The following TACC2 variants were observed in gnomAD, a reference collection of about 807,000 sequenced individuals.
TACC2 encodes transforming acidic coiled-coil containing protein 2.
A neutral mutation model predicts 227.3 loss-of-function variants in TACC2; 137 were observed. The observed-to-expected ratio is 0.60, with a 90% CI of 0.52 to 0.69. TACC2 has a LOEUF of 0.69. Among genes scored for constraint, TACC2 ranks in the 30% least tolerant of loss-of-function variants. TACC2 has a pLI of 0.00. For synonymous variants in TACC2, 1,523 were observed against 1,487.5 expected (o/e 1.02, Z -0.55); for missense variants, 3,470 against 3,694.4 (o/e 0.94, Z 1.57).
At chr10:122,249,688 C>T (rs762048782) in intron 22 of TACC2, 24 bp downstream of exon 22, 1 of 1,600,492 alleles carries the variant, frequency 6.2e-7, no homozygotes, top group Non-Finnish European at 8.5e-7. Context: ...GGTGTGGCCT[C>T]CAGGTGGGCC....
intron 7 of TACC2, among the ~76,000 whole-genome samples, chr10:122,167,694 G>T (rs2093254156): frequency 6.6e-6 from 1 of 152,152 alleles, no homozygotes; most frequent in Admixed American, 6.5e-5. Context: ...TGCCCCTCCT[G>T]CCTCGCAGGG....
chr10:122,021,664 G>A (rs1030721060), intron 1 of TACC2, among the ~76,000 whole-genome samples: 2 of 152,104 alleles, frequency 1.3e-5, no homozygotes, highest in South Asian at 2.1e-4. Context: ...ATATGTGTAC[G>A]CTGGCACTAG....
Position 122,050,898 on chromosome 10 carries a change from G to A in TACC2, c.146+348G>A, listed in dbSNP as rs1198512109. ...TCTAATCCGTGGCTAAGTGGAGTCT[G>A]TAACTCAGTGTGGTGGCCATTGCGG... is the stretch of plus-strand genomic sequence containing the variant. On this transcript the variant is annotated intron_variant, in intron 3 of 22. Coordinates refer to ENST00000369005, the MANE Select transcript of TACC2 (RefSeq NM_206862.4). This position sits in a 1 kb window ranked among gnomAD's most constrained non-coding sequence, Gnocchi z 4.6. The A allele has an allele frequency of 1.8e-5, 4 of 217,300 alleles. No individual in the cohort carries two copies. Among genetic ancestry groups the A allele is most frequent in the Non-Finnish European group, 3.7e-5 (4 of 109,460 alleles). 13.5% of individuals were successfully genotyped at this position (217,300 alleles called of 1,614,324 possible). A position where few individuals can be genotyped will look rare whatever the true frequency, so the allele number is the denominator to read the frequency against.
At position 122,254,079 on chromosome 10, in the gene TACC2, T is replaced by G; in HGVS notation, c.*23T>G. 6.2e-7 allele frequency: 1 copy of G among 1,608,968 alleles called. No homozygotes were observed. ...TAACTCTGAACCGAATGTTTTGGAC[T>G]TAACTGTTGCGTGCAATATGACCGT... is the stretch of plus-strand genomic sequence containing the variant. On this transcript the variant is annotated 3_prime_UTR_variant, in exon 23 of 23. Coordinates refer to ENST00000369005, the MANE Select transcript of TACC2 (RefSeq NM_206862.4).
chr10:122,172,850 G>A (rs2093542876), intron 7 of TACC2, among the ~76,000 whole-genome samples: 1 of 152,112 alleles, frequency 6.6e-6, no homozygotes, highest in African/African-American at 2.4e-5. Context: ...GGGGTGAGGG[G>A]CAGGCTGTCC....
chr10:122,235,118 ACT>A (rs1491366922), intron 16 of TACC2, among the ~76,000 whole-genome samples: 1 of 151,996 alleles, frequency 6.6e-6, no homozygotes, highest in Non-Finnish European at 1.5e-5. Flanking sequence ...ACAGAGTCTC[ACT>A]CTGTCACCCA....
At position 122,115,501 on chromosome 10, in the gene TACC2, G is replaced by A. The variant is rs145713242; in HGVS notation, c.5574-17108G>A. 4.4e-3 allele frequency among the ~76,000 whole-genome samples: 672 copies of A among 152,296 alleles called. 6 individuals are homozygous for A. The highest frequency in any genetic ancestry group is 0.015 in the African/African-American group (624 of 41,556). ...GGGAGGATGCTATTGGCGTCTAGTG[G>A]GGGAGGGCTAGGGTCACTCTCATGT... On this transcript the variant is annotated intron_variant, in intron 5 of 22. Coordinates refer to ENST00000369005, the MANE Select transcript of TACC2 (RefSeq NM_206862.4).
intron 2 of TACC2, among the ~76,000 whole-genome samples, chr10:122,031,683 G>A (rs927029027): frequency 1.9e-4 from 28 of 148,994 alleles, no homozygotes; most frequent in African/African-American, 4.7e-4. Flanking sequence ...GATTACAGGC[G>A]TGAGCCACCA....
At chr10:122,004,559 A>T (rs138619819) in intron 1 of TACC2, among the ~76,000 whole-genome samples, 92 of 152,232 alleles carry the variant, frequency 6.0e-4, no homozygotes, top group African/African-American at 2.1e-3. Flanking sequence ...CACCTAGACC[A>T]GTGACTCCTC....
intron 9 of TACC2, chr10:122,213,432 C>G (rs1254673332): frequency 6.3e-7 from 1 of 1,581,958 alleles, no homozygotes; most frequent in African/African-American, 1.3e-5. Context: ...ATTTTTCTGC[C>G]TTTTGTTTCT....
chr10:122,024,145 A>C (rs1482373753), intron 2 of TACC2, among the ~76,000 whole-genome samples: 1 of 152,164 alleles, frequency 6.6e-6, no homozygotes, highest in African/African-American at 2.4e-5. Context: ...AGGCAGGAGG[A>C]TAGCTTCAGT....
chr10:122,054,849 T>C (rs1334539384), intron 3 of TACC2, among the ~76,000 whole-genome samples: 1 of 152,154 alleles, frequency 6.6e-6, no homozygotes, highest in Non-Finnish European at 1.5e-5. Context: ...GTGAGGGGCT[T>C]ATGTTTGAAC....
chr10:122,018,184 C>G (rs1028468809), intron 1 of TACC2, among the ~76,000 whole-genome samples: 5 of 152,074 alleles, frequency 3.3e-5, no homozygotes, highest in Non-Finnish European at 1.5e-5. Flanking sequence ...CATGTGTTCT[C>G]AATGTTCAAC....
rs111399836 is a variant in TACC2 at position 122,103,027 on chromosome 10, A to G, written c.5573+14436A>G. On this transcript the variant is annotated intron_variant, in intron 5 of 22. Transcript: ENST00000369005. ...CAGGAATGTATCTTGCTGCTTGTAC[A>G]GCCCATCATGGAATGTGAGGACTTA... 6.4e-3 allele frequency among the ~76,000 whole-genome samples: 973 copies of G among 152,226 alleles called. 10 individuals are homozygous for G. Among genetic ancestry groups the G allele is most frequent in the African/African-American group, 0.021 (881 of 41,548 alleles).
At chr10:122,030,950 C>G (rs1379532489) in intron 2 of TACC2, among the ~76,000 whole-genome samples, 1 of 151,992 alleles carries the variant, frequency 6.6e-6, no homozygotes, top group African/African-American at 2.4e-5. Context: ...CCTGTGATCC[C>G]CCTCTTGGGT....
intron 5 of TACC2, among the ~76,000 whole-genome samples, chr10:122,095,359 C>T (rs905571980): frequency 5.9e-5 from 9 of 152,254 alleles, no homozygotes; most frequent in African/African-American, 1.7e-4. Flanking sequence ...TTGACTCACC[C>T]GTAAAATGGA....
At position 122,142,728 on chromosome 10, in the gene TACC2, A is replaced by G. The variant is rs1374653611; in HGVS notation, c.5700-844A>G. 2.0e-5 allele frequency among the ~76,000 whole-genome samples: 3 copies of G among 152,284 alleles called. No individual in the cohort carries two copies. The South Asian group carries it at 6.2e-4, about 32-fold the overall frequency. ...TCAGGCCGTCTGTGCTGAGTCTTGT[A>G]TTCCAGCCTGGCTACCCCAAGACAC... On this transcript the variant is annotated intron_variant, in intron 6 of 22. Transcript: ENST00000369005.
At chr10:122,222,729 C>T (rs907282353) in intron 11 of TACC2, among the ~76,000 whole-genome samples, 3 of 152,146 alleles carry the variant, frequency 2.0e-5, no homozygotes, top group Non-Finnish European at 2.9e-5. Flanking sequence ...GCCGGGCACT[C>T]GCCCGGGGCC....
At chr10:122,238,478 G>T (rs753993892) in intron 18 of TACC2, among the ~76,000 whole-genome samples, 1 of 151,968 alleles carries the variant, frequency 6.6e-6, no homozygotes, top group Non-Finnish European at 1.5e-5. Context: ...ACAGAGTTTC[G>T]CTCTTGTTGC....
Sources: gnomAD v4.1 joint callset for allele counts (sites outside exome capture counted in the v4.1 genomes callset) on GRCh38, gnomAD v4.1.1 for gene constraint, Gnocchi (gnomAD v3.1) non-coding constraint, MANE v1.5 for transcripts, NCBI Gene and HGNC (gene_info 2026-07-23, HGNC 2026-07-21) for gene names.